KIRREL3: variants seen among roughly 807,000 people sequenced by gnomAD.
KIRREL3 encodes kin of IRRE-like protein 3.
A neutral mutation model predicts 89.7 loss-of-function variants in KIRREL3; 36 were observed. The observed-to-expected ratio is 0.40, with a 90% CI of 0.31 to 0.53. The LOEUF is 0.53. Ranked by LOEUF, KIRREL3 falls within the 20% of genes least tolerant of loss-of-function variation. The pLI, the probability that KIRREL3 is intolerant of heterozygous loss-of-function variation, is 0.49. For synonymous variants in KIRREL3, 445 were observed against 441.4 expected (o/e 1.01, Z -0.10); for missense variants, 864 against 1,056.6 (o/e 0.82, Z 2.53).
At chr11:126,650,851 C>A (rs897717749) in intron 1 of KIRREL3, among the ~76,000 whole-genome samples, 3 of 152,056 alleles carry the variant, frequency 2.0e-5, no homozygotes, top group African/African-American at 7.2e-5. Context: ...AAAGACATAC[C>A]CAAGACTGGG....
At chr11:126,661,511 G>A (rs563294411) in intron 1 of KIRREL3, among the ~76,000 whole-genome samples, 7 of 152,286 alleles carry the variant, frequency 4.6e-5, no homozygotes, top group Non-Finnish European at 5.9e-5. Flanking sequence ...TCATGGAATC[G>A]TTTCTATGTG....
At chr11:126,488,463 G>A (rs946560131) in intron 4 of KIRREL3, among the ~76,000 whole-genome samples, 2 of 152,282 alleles carry the variant, frequency 1.3e-5, no homozygotes, top group Admixed American at 6.5e-5. Flanking sequence ...GTCCGCAGTC[G>A]TGGAGGCAGC....
chr11:126,814,726 C>T lies in KIRREL3; in HGVS notation c.55+185729G>A, dbSNP rs750924651. ...AAGTAGGAGCTGAACAGTGAGAACA[C>T]GTGGACACAGGGAGGGGAACAACAC... On this transcript the variant is annotated intron_variant, in intron 1 of 16. Coordinates refer to ENST00000525144, the MANE Select transcript of KIRREL3 (RefSeq NM_032531.4). The surrounding 1 kb of genome is among the most constrained non-coding windows in gnomAD (Gnocchi z 4.4). Among the ~76,000 whole-genome samples, 6 of 152,076 alleles carry T rather than the reference C, an allele frequency of 3.9e-5. No homozygotes were observed. Among genetic ancestry groups the T allele is most frequent in the African/African-American group, 9.7e-5 (4 of 41,402 alleles).
At chr11:126,972,168 T>TAGAGGGAGAGAGAGAGAGAGAGAG (rs1949440534) in intron 1 of KIRREL3, among the ~76,000 whole-genome samples, 1 of 119,842 alleles carries the variant, frequency 8.3e-6, no homozygotes, top group Admixed American at 8.6e-5. Context: ...GAGGGTCTGG[T>TAGAGGGAGAGAGAGAGAGAGAGAG]AGAGAGAGAG....
At chr11:126,721,084 C>T (rs533570483) in intron 1 of KIRREL3, among the ~76,000 whole-genome samples, 61 of 152,316 alleles carry the variant, frequency 4.0e-4, no homozygotes, top group African/African-American at 1.4e-3. Context: ...AAAGTGTTTT[C>T]TGAGACAGAC....
At chr11:126,693,361 C>T (rs1182236944) in intron 1 of KIRREL3, among the ~76,000 whole-genome samples, 1 of 152,146 alleles carries the variant, frequency 6.6e-6, no homozygotes, top group African/African-American at 2.4e-5. Flanking sequence ...GTAGATGTTG[C>T]AGTGAGCTGA....
rs1321228506 is a variant in KIRREL3 at position 126,636,979 on chromosome 11, T to G, written c.56-74067A>C. ...GGCGATGTGAAAGTCCCTAGGAGGG[T>G]AGGCACTTAGTAATACTAGGCTACC... On this transcript the variant is annotated intron_variant, in intron 1 of 16. Transcript: ENST00000525144. This position sits in a 1 kb window ranked among gnomAD's most constrained non-coding sequence, Gnocchi z 4.4. Among the ~76,000 whole-genome samples, 1 of 151,986 alleles carries G rather than the reference T, an allele frequency of 6.6e-6. No individual in the cohort carries two copies. Among genetic ancestry groups the G allele is most frequent in the Non-Finnish European group, 1.5e-5 (1 of 67,986 alleles).
chr11:126,637,678 C>A (rs1944319835), intron 1 of KIRREL3, among the ~76,000 whole-genome samples: 1 of 152,204 alleles, frequency 6.6e-6, no homozygotes, highest in Non-Finnish European at 1.5e-5. Flanking sequence ...AGAACCTTCT[C>A]TGTCTAAGTC....
intron 1 of KIRREL3, among the ~76,000 whole-genome samples, chr11:126,861,189 T>A (rs1944692583): frequency 6.6e-6 from 1 of 152,136 alleles, no homozygotes; most frequent in African/African-American, 2.4e-5. Flanking sequence ...TGTCATCATT[T>A]CTGGGAATGT....
rs145933544 is a variant in KIRREL3 at position 126,992,742 on chromosome 11, G to A, written c.55+7713C>T. ...TTTTGTGCTCACCTGCTCCAGTGCT[G>A]TTTCCTCTTCTGGTTAGCACCCATC... is the stretch of plus-strand genomic sequence containing the variant. On this transcript the variant is annotated intron_variant, in intron 1 of 16. Transcript: ENST00000525144. 2.3e-3 allele frequency among the ~76,000 whole-genome samples: 352 copies of A among 152,260 alleles called. 7 individuals carry two copies. Among genetic ancestry groups the A allele is most frequent in the Non-Finnish European group, 6.0e-4 (41 of 68,026 alleles).
rs572644572 is a variant in KIRREL3 at position 126,685,077 on chromosome 11, G to A, written c.56-122165C>T. Among the ~76,000 whole-genome samples, 16 of 152,174 alleles carry A rather than the reference G, an allele frequency of 1.1e-4. No homozygotes were observed. Among genetic ancestry groups the A allele is most frequent in the Non-Finnish European group, 2.4e-4 (16 of 68,038 alleles). ...TGCTGGAGTGGAAAGGCAGGTTGGA[G>A]GAAATACAAAGATGAAGGACATAGT... On this transcript the variant is annotated intron_variant, in intron 1 of 16. Transcript: ENST00000525144. This position sits in a 1 kb window ranked among gnomAD's most constrained non-coding sequence, Gnocchi z 5.5.
chr11:126,915,418 A>G (rs1337184775), intron 1 of KIRREL3, among the ~76,000 whole-genome samples: 2 of 152,070 alleles, frequency 1.3e-5, no homozygotes, highest in Non-Finnish European at 2.9e-5. Context: ...TAAATCCCCA[A>G]TTCTAAACAT....
intron 1 of KIRREL3, among the ~76,000 whole-genome samples, chr11:126,588,272 G>T (rs1410075321): frequency 6.6e-6 from 1 of 152,204 alleles, no homozygotes; most frequent in East Asian, 1.9e-4. Context: ...CTTGCCCTTT[G>T]ATACTCAGCT....
chr11:126,982,066 C>T (rs1371113805), intron 1 of KIRREL3, among the ~76,000 whole-genome samples: 1 of 152,146 alleles, frequency 6.6e-6, no homozygotes, highest in African/African-American at 2.4e-5. Context: ...TCTTTTAATT[C>T]CCCAGAGCCC....
chr11:126,478,516 T>TA (rs1491223811), intron 4 of KIRREL3, among the ~76,000 whole-genome samples: 3 of 151,638 alleles, frequency 2.0e-5, no homozygotes, highest in Non-Finnish European at 2.9e-5. Flanking sequence ...TGTGTGTGTG[T>TA]ATGTGTGTGT....
chr11:126,878,014 GA>G (rs1457627972), intron 1 of KIRREL3, among the ~76,000 whole-genome samples: 1 of 152,148 alleles, frequency 6.6e-6, no homozygotes, highest in Non-Finnish European at 1.5e-5. Flanking sequence ...TTAGAAGTGG[GA>G]TGAAAACCTG....
Position 126,430,895 on chromosome 11 carries a change from C to T in KIRREL3, c.1696+524G>A, listed in dbSNP as rs1442632590. The T allele has an allele frequency of 8.5e-6, 7 of 828,352 alleles. No individual in the cohort carries two copies. Among genetic ancestry groups the T allele is most frequent in the African/African-American group, 3.7e-5 (2 of 54,126 alleles). The allele number at this position is 828,352 out of a possible 1,614,324, so 51.3% of individuals were successfully genotyped here. A position where few individuals can be genotyped will look rare whatever the true frequency, so the allele number is the denominator to read the frequency against. ...TCCTCGGTGCACGCAATTCTTCAAG[C>T]GTGCACAAACACTAGAATTTTATTG... On this transcript the variant is annotated intron_variant, in intron 14 of 16. Coordinates refer to ENST00000525144, the MANE Select transcript of KIRREL3 (RefSeq NM_032531.4). This position sits in a 1 kb window ranked among gnomAD's most constrained non-coding sequence, Gnocchi z 6.6.
rs1433939489 is a variant in KIRREL3, at chr11:126,918,299, A to T, written c.55+82156T>A. 6.6e-6 allele frequency among the ~76,000 whole-genome samples: 1 copy of T among 152,220 alleles called. No individual in the cohort carries two copies. ...GTGAATTGCAAGTAAGCAAATAAAC[A>T]TGATTTAATAGTAGATGAGAAGACT... On this transcript the variant is annotated intron_variant, in intron 1 of 16. Transcript: ENST00000525144. The surrounding 1 kb of genome is among the most constrained non-coding windows in gnomAD (Gnocchi z 6.5).
intron 1 of KIRREL3, among the ~76,000 whole-genome samples, chr11:126,602,307 G>A (rs929242976): frequency 1.3e-5 from 2 of 152,146 alleles, no homozygotes; most frequent in African/African-American, 4.8e-5. Flanking sequence ...TGGTGTGTGG[G>A]GTTATCTACA....
Sources: allele counts gnomAD v4.1 joint callset (sites outside exome capture counted in the v4.1 genomes callset), GRCh38; gene constraint gnomAD v4.1.1; non-coding constraint Gnocchi (gnomAD v3.1); transcripts MANE v1.5; gene names NCBI Gene and HGNC (gene_info 2026-07-23, HGNC 2026-07-21).